Variants in CSMD1 observed in about 807,000 individuals in gnomAD.
CSMD1 encodes the protein CUB and sushi domain-containing protein 1.
Under a neutral mutation model 417.5 loss-of-function variants are expected in CSMD1, and 213 were observed. The ratio of observed to expected loss-of-function variants is 0.51; its 90% CI spans 0.46 to 0.57. CSMD1 has a LOEUF of 0.57. CSMD1 is among the 20% of genes least tolerant of loss of function. The pLI is 0.00. For synonymous variants in CSMD1, 2,862 were observed against 1,736.8 expected (o/e 1.65, Z -16.11); for missense variants, 6,923 against 4,529.7 (o/e 1.53, Z -15.17).
intron 36 of CSMD1, among the ~76,000 whole-genome samples, chr8:3,182,602 G>C (rs79083510): frequency 1.7e-5 from 1 of 60,532 alleles, no homozygotes; most frequent in African/African-American, 3.7e-5. Flanking sequence ...GTGTGTGTGT[G>C]TGTGTGTGTG....
intron 10 of CSMD1, among the ~76,000 whole-genome samples, chr8:3,512,331 G>A (rs1317938261): frequency 1.3e-5 from 2 of 152,190 alleles, no homozygotes; most frequent in African/African-American, 4.8e-5. Context: ...TATACCCACA[G>A]CCTCAGCCTC....
At chr8:3,708,217 T>C (rs1382604159) in intron 7 of CSMD1, among the ~76,000 whole-genome samples, 197 bp downstream of exon 7, 1 of 152,146 alleles carries the variant, frequency 6.6e-6, no homozygotes, top group Non-Finnish European at 1.5e-5. Flanking sequence ...GGTTAGGAGT[T>C]AGAACCACCA....
chr8:2,935,720 G>A lies in CSMD1; in HGVS notation c.*2865C>T, dbSNP rs571526493. 9 of 152,296 alleles carry A rather than the reference G, an allele frequency of 5.9e-5. No homozygotes were observed. The East Asian group carries it at 1.5e-3, about 26-fold the overall frequency. 9.4% of individuals were successfully genotyped at this position (152,296 alleles called of 1,614,324 possible). A position where few individuals can be genotyped will look rare whatever the true frequency, so the allele number is the denominator to read the frequency against. The stretch of plus-strand genomic sequence containing the variant: ...CTACGTCGTGACAGCAGCGTGTGGT[G>A]GGACGGGAGGGAGGGTCGGCGATGA... On this transcript the variant is annotated 3_prime_UTR_variant, in exon 70 of 70. Transcript: ENST00000635120.
chr8:2,955,683 G>A lies in CSMD1; in HGVS notation c.9900C>T (p.Tyr3300=), dbSNP rs778515761. 3 of 1,613,914 alleles carry A rather than the reference G, an allele frequency of 1.9e-6. No individual in the cohort carries two copies. The highest frequency in any genetic ancestry group is 2.2e-5 in the East Asian group (1 of 44,878). Residue 3300 remains tyrosine, a synonymous_variant, in exon 64 of 70, where the codon TAC becomes TAT. Coordinates refer to ENST00000635120, the MANE Select transcript of CSMD1 (RefSeq NM_033225.6). ...CGAGGAAAAAGCCTGGATGGCAGGT[G>A]TACACTAAGGTGTAGCCGAAAGTAG... ...DLPTFGYTLV[Y]TCHPGFFLAG...
chr8:3,023,251 G>A (rs1326185652), intron 51 of CSMD1, among the ~76,000 whole-genome samples: 9 of 152,196 alleles, frequency 5.9e-5, no homozygotes, highest in Admixed American at 5.9e-4. Flanking sequence ...TTTAGGCCAT[G>A]TTCTTTGAAT....
chr8:4,043,021 A>G lies in CSMD1; in HGVS notation c.416-10922T>C, dbSNP rs149808777. Among the ~76,000 whole-genome samples, 187 of 152,046 alleles carry G rather than the reference A, an allele frequency of 1.2e-3. 3 individuals carry two copies. The East Asian group carries it at 0.034, about 28-fold the overall frequency. Reference sequence around the variant, plus strand: ...GTGACTTGCACCTGTAGTCCCAGCTACTTGGGAGGTTGAAGCAGGAGAATC... The same window carrying G: ...GTGACTTGCACCTGTAGTCCCAGCTGCTTGGGAGGTTGAAGCAGGAGAATC... On this transcript the variant is annotated intron_variant, in intron 3 of 69. Coordinates refer to ENST00000635120, the MANE Select transcript of CSMD1 (RefSeq NM_033225.6).
chr8:4,065,293 C>A (rs992586458), intron 3 of CSMD1, among the ~76,000 whole-genome samples: 3 of 152,180 alleles, frequency 2.0e-5, no homozygotes, highest in African/African-American at 7.2e-5. Context: ...GCTTCCCCAT[C>A]CCCCTCAGTA....
rs1430109837 is a variant in CSMD1 at position 4,390,673 on chromosome 8, C to T, written c.415+29280G>A. Among the ~76,000 whole-genome samples, 4 of 151,942 alleles carry T rather than the reference C, an allele frequency of 2.6e-5. No homozygotes were observed. In the East Asian group the frequency reaches 7.8e-4, roughly 30 times the overall value. On this transcript the variant is annotated intron_variant, in intron 3 of 69. Coordinates refer to ENST00000635120, the MANE Select transcript of CSMD1 (RefSeq NM_033225.6). ...GGACGACAGGCACCCCCCACCACGC[C>T]CGGCTAATTTTTTGTATTTTCAGTA...
intron 3 of CSMD1, among the ~76,000 whole-genome samples, chr8:4,410,377 C>T (rs1239715036): frequency 6.6e-6 from 1 of 152,186 alleles, no homozygotes; most frequent in Admixed American, 6.6e-5. Context: ...CCTCAGAATT[C>T]ATGTGCTTAT....
chr8:4,303,604 T>C (rs1383313322), intron 3 of CSMD1, among the ~76,000 whole-genome samples: 1 of 152,078 alleles, frequency 6.6e-6, no homozygotes, highest in Non-Finnish European at 1.5e-5. Flanking sequence ...CTGGACATTG[T>C]CATATGAAGA....
chr8:2,962,401 C>T (rs111610149), intron 61 of CSMD1, 65 bp downstream of exon 61: 60 of 1,408,300 alleles, frequency 4.3e-5, no homozygotes, highest in African/African-American at 4.0e-4. Context: ...GACCCAATTT[C>T]GGAATGAAGC....
In CSMD1 at chr8:3,018,613, G is replaced by A; in HGVS notation, c.7893C>T (p.Gly2631=). ...AAACTGTCAACGTTCCAATCTTGTT[G>A]CCATTTGGGGGAAAGGAAAGGCTTC... ...SCGSLSFPPN[G]NKIGTLTVYG... The change falls in exon 52 of 70, where the codon GGC becomes GGT. Residue 2631 remains glycine, a synonymous_variant. Transcript: ENST00000635120. 1.2e-6 allele frequency: 2 copies of A among 1,612,848 alleles called. No homozygotes were observed. Among genetic ancestry groups the A allele is most frequent in the South Asian group, 1.1e-5 (1 of 90,968 alleles).
At chr8:4,256,683 C>T (rs1024960574) in intron 3 of CSMD1, among the ~76,000 whole-genome samples, 1 of 151,776 alleles carries the variant, frequency 6.6e-6, no homozygotes, top group Non-Finnish European at 1.5e-5. Flanking sequence ...AGGAAGAATC[C>T]CAGCAGATGG....
chr8:3,841,477 C>A (rs562517844), intron 5 of CSMD1, among the ~76,000 whole-genome samples: 38 of 152,212 alleles, frequency 2.5e-4, no homozygotes, highest in African/African-American at 9.2e-4. Flanking sequence ...CACTGCATTC[C>A]CCATTCCCTT....
chr8:3,398,106 C>T (rs1176868442), intron 16 of CSMD1, among the ~76,000 whole-genome samples: 1 of 152,104 alleles, frequency 6.6e-6, no homozygotes, highest in Non-Finnish European at 1.5e-5. Context: ...TTCCTTCAGG[C>T]AACTGAAAAT....
Position 4,942,798 on chromosome 8 carries a change from G to A in CSMD1, c.85+51534C>T, listed in dbSNP as rs140563582. Among the ~76,000 whole-genome samples, 769 of 152,352 alleles carry A rather than the reference G, an allele frequency of 5.0e-3. 2 individuals carry two copies. Among genetic ancestry groups the A allele is most frequent in the Middle Eastern group, 0.014 (4 of 294 alleles). ...TGATGTAGCTAGGGAATTGGAAACT[G>A]CAACTTAAATGAAGCTGTGATAATA... On this transcript the variant is annotated intron_variant, in intron 1 of 69. Coordinates refer to ENST00000635120, the MANE Select transcript of CSMD1 (RefSeq NM_033225.6).
chr8:4,121,915 C>T (rs745863669), intron 3 of CSMD1, among the ~76,000 whole-genome samples: 1 of 152,024 alleles, frequency 6.6e-6, no homozygotes, highest in Non-Finnish European at 1.5e-5. Context: ...ATGAATCACA[C>T]ATCACACTCC....
At chr8:4,081,595 C>T (rs145662013) in intron 3 of CSMD1, among the ~76,000 whole-genome samples, 2 of 152,128 alleles carry the variant, frequency 1.3e-5, no homozygotes, top group African/African-American at 2.4e-5. Flanking sequence ...TACCCAACCA[C>T]TGCAGAATAC....
intron 1 of CSMD1, among the ~76,000 whole-genome samples, chr8:4,793,187 T>A (rs1797786475): frequency 6.6e-6 from 1 of 152,110 alleles, no homozygotes; most frequent in Non-Finnish European, 1.5e-5. Flanking sequence ...GGAGTAATTA[T>A]GAGTAAATAA....
Sources: allele counts gnomAD v4.1 joint callset (sites outside exome capture counted in the v4.1 genomes callset), GRCh38; gene constraint gnomAD v4.1.1; transcripts MANE v1.5; gene names NCBI Gene and HGNC (gene_info 2026-07-23, HGNC 2026-07-21).